NRG3: variants seen among roughly 807,000 people sequenced by gnomAD.
NRG3 encodes the protein pro-neuregulin-3, membrane-bound isoform.
A neutral mutation model predicts 66.9 loss-of-function variants in NRG3; 31 were observed. The observed-to-expected ratio is 0.46, with a 90% confidence interval of 0.35 to 0.63. The LOEUF (loss-of-function observed/expected upper bound fraction) is 0.63, where lower values mean the gene tolerates loss of function less well. NRG3 is among the 20% of genes least tolerant of loss of function. The pLI, the probability that NRG3 is intolerant of heterozygous loss-of-function variation, is 0.00. For missense variants in NRG3, 910 were observed against 878.9 expected, an observed-to-expected ratio of 1.04 and a Z score of -0.45; for synonymous variants, 393 against 359.4, an observed-to-expected ratio of 1.09 and a Z score of -1.06.
At chr10:82,846,119 T>A (rs896230972) in intron 3 of NRG3, among the ~76,000 whole-genome samples, 2 of 152,148 alleles carry the variant, frequency 1.3e-5, no homozygotes, top group Non-Finnish European at 2.9e-5. Flanking sequence ...GATTATAGAC[T>A]CAGGACAACT....
chr10:82,095,963 A>G (rs540314118), intron 1 of NRG3, among the ~76,000 whole-genome samples: 1 of 152,300 alleles, frequency 6.6e-6, no homozygotes, highest in South Asian at 2.1e-4. Context: ...TCATATGCAA[A>G]TAAGTAGAAA....
rs900964761 is a variant in NRG3, at chr10:82,509,106, C to T, written c.953+150238C>T. Among the ~76,000 whole-genome samples the T allele has an allele frequency of 5.9e-5, 9 of 152,122 alleles. 1 individual carries two copies. The highest frequency in any genetic ancestry group is 2.2e-4 in the African/African-American group (9 of 41,422). On this transcript the variant is annotated intron_variant, in intron 2 of 8. Coordinates refer to ENST00000372141, the MANE Select transcript of NRG3 (RefSeq NM_001010848.4). Reference sequence around the variant, plus strand: ...AGGTGAACATTCCTAAACCCAAACTCATTCTCCATATCCCCCAAACTCCCC... The same window carrying T: ...AGGTGAACATTCCTAAACCCAAACTTATTCTCCATATCCCCCAAACTCCCC...
chr10:82,574,502 T>C (rs770883737), intron 2 of NRG3, among the ~76,000 whole-genome samples: 5 of 151,796 alleles, frequency 3.3e-5, no homozygotes, highest in Non-Finnish European at 1.5e-5. Flanking sequence ...CAATATAGTG[T>C]ATTTTTCAAA....
intron 1 of NRG3, among the ~76,000 whole-genome samples, chr10:81,998,785 T>A (rs1218489698): frequency 6.6e-6 from 1 of 152,172 alleles, no homozygotes; most frequent in Non-Finnish European, 1.5e-5. Flanking sequence ...AAGTAGGGCT[T>A]CCCTTTTACC....
At chr10:82,076,817 G>A (rs958739725) in intron 1 of NRG3, among the ~76,000 whole-genome samples, 1 of 152,212 alleles carries the variant, frequency 6.6e-6, no homozygotes, top group Non-Finnish European at 1.5e-5. Context: ...AGAACCGTCA[G>A]TCAAGCAAAC....
intron 2 of NRG3, among the ~76,000 whole-genome samples, chr10:82,679,920 C>T (rs1389324624): frequency 6.6e-6 from 1 of 151,792 alleles, no homozygotes; most frequent in Non-Finnish European, 1.5e-5. Context: ...ATAAATTGCA[C>T]TATGTATTTT....
At chr10:82,043,802 T>C (rs1752213930) in intron 1 of NRG3, among the ~76,000 whole-genome samples, 1 of 152,076 alleles carries the variant, frequency 6.6e-6, no homozygotes. Context: ...GGTTTTGACA[T>C]ATAACAAAAC....
intron 1 of NRG3, among the ~76,000 whole-genome samples, chr10:81,968,840 C>A (rs759682123): frequency 2.6e-5 from 4 of 152,208 alleles, no homozygotes; most frequent in Non-Finnish European, 4.4e-5. Context: ...ACCTTCTCTT[C>A]TGGTTCTGAG....
chr10:82,255,580 CTT>C (rs201030016), intron 1 of NRG3, among the ~76,000 whole-genome samples: 5 of 149,370 alleles, frequency 3.3e-5, no homozygotes, highest in African/African-American at 1.2e-4. Context: ...TTCTGTAAAT[CTT>C]TTTTTTTTAA....
chr10:82,228,819 C>G (rs555053049), intron 1 of NRG3: 16 of 152,282 alleles, frequency 1.1e-4, no homozygotes, highest in African/African-American at 3.9e-4. Flanking sequence ...AGAAAACAAT[C>G]TCTTATTTGC....
intron 2 of NRG3, among the ~76,000 whole-genome samples, chr10:82,369,168 GT>G (rs75967056): frequency 0.26 from 35,267 of 137,926 alleles, 9,333 homozygotes; most frequent in African/African-American, 0.5. Flanking sequence ...GTCAGTGTTT[GT>G]GTACCAGACT....
chr10:82,524,983 A>C (rs926790601), intron 2 of NRG3, among the ~76,000 whole-genome samples: 9 of 151,872 alleles, frequency 5.9e-5, no homozygotes, highest in African/African-American at 2.2e-4. Context: ...TGTGTTTACT[A>C]ATATGTTAGA....
intron 1 of NRG3, among the ~76,000 whole-genome samples, chr10:81,888,148 A>G (rs1386848646): frequency 2.0e-5 from 3 of 152,108 alleles, no homozygotes; most frequent in African/African-American, 4.8e-5. Context: ...GCAGATGCAA[A>G]GAGGGTCTTC....
At chr10:81,882,387 A>G (rs968030235) in intron 1 of NRG3, among the ~76,000 whole-genome samples, 1 of 152,142 alleles carries the variant, frequency 6.6e-6, no homozygotes, top group African/African-American at 2.4e-5. Flanking sequence ...CTCTCATGGA[A>G]GGGTAACAAA....
chr10:82,045,836 A>G (rs1344665819), intron 1 of NRG3, among the ~76,000 whole-genome samples: 80 of 111,622 alleles, frequency 7.2e-4, no homozygotes, highest in African/African-American at 2.6e-3. Flanking sequence ...TCCTTTCCCC[A>G]TTTCTTGTTT....
chr10:82,686,876 T>G (rs1050780901), intron 2 of NRG3, among the ~76,000 whole-genome samples: 17 of 152,212 alleles, frequency 1.1e-4, no homozygotes, highest in African/African-American at 3.6e-4. Context: ...AAAATGCATA[T>G]TTTAGCTCTG....
chr10:82,987,072 A>G lies in NRG3; in HGVS notation c.*1467A>G, dbSNP rs1220973684. The G allele has an allele frequency of 3.9e-5, 6 of 152,342 alleles. No individual in the cohort carries two copies. In the East Asian group the frequency reaches 1.2e-3, roughly 29 times the overall value. 9.4% of individuals were successfully genotyped at this position (152,342 alleles called of 1,614,324 possible). On this transcript the variant is annotated 3_prime_UTR_variant, in exon 9 of 9. Transcript: ENST00000372141. ...TTATTTACCCTCACTTTCATGGGAC[A>G]TATGAGGAAATTAGTGTTCACATAT...
chr10:81,879,088 G>A (rs1280782483), intron 1 of NRG3, among the ~76,000 whole-genome samples: 5 of 152,226 alleles, frequency 3.3e-5, no homozygotes, highest in Non-Finnish European at 5.9e-5. Flanking sequence ...GGGTTTGCAA[G>A]TTGATTCTTC....
chr10:82,521,015 A>G (rs1396796901), intron 2 of NRG3, among the ~76,000 whole-genome samples: 1 of 152,194 alleles, frequency 6.6e-6, no homozygotes, highest in Non-Finnish European at 1.5e-5. Flanking sequence ...AGCATGGGAT[A>G]TACTCAATAC....
Sources: gnomAD v4.1 joint callset for allele counts (sites outside exome capture counted in the v4.1 genomes callset) on GRCh38, gnomAD v4.1.1 for gene constraint, MANE v1.5 for transcripts, NCBI Gene and HGNC (gene_info 2026-07-23, HGNC 2026-07-21) for gene names.